KRT72: variants seen among roughly 807,000 people sequenced by gnomAD.
The protein encoded by KRT72 is keratin 72.
Under a neutral mutation model 44.7 loss-of-function variants are expected in KRT72, and 44 were observed. The ratio of observed to expected loss-of-function variants is 0.98; its 90% CI spans 0.77 to 1.27. The LOEUF (loss-of-function observed/expected upper bound fraction) is 1.27. Ranked by LOEUF, KRT72 falls within the 50% of genes most tolerant of loss-of-function variation. The pLI, the probability that KRT72 is intolerant of heterozygous loss-of-function variation, is 0.00. For missense variants in KRT72, 736 were observed against 667.1 expected (o/e 1.10, Z -1.14); for synonymous variants, 302 against 280.4 (o/e 1.08, Z -0.77).
chr12:52,597,299 CTG>C (rs1940257644), intron 2 of KRT72, among the ~76,000 whole-genome samples: 1 of 152,216 alleles, frequency 6.6e-6, no homozygotes, highest in Admixed American at 6.5e-5. Context: ...GACATATACA[CTG>C]TGCATCTTCT....
chr12:52,585,696 A>G lies in KRT72; in HGVS notation c.*286T>C. On this transcript the variant is annotated 3_prime_UTR_variant, in exon 9 of 9. Transcript: ENST00000293745. ...AGGCCCAAGAAAGGCATGGGGGCAG[A>G]GGGGCTTGTAGCTGGCCTTGGGGAA... 1 of 362,234 alleles carries G rather than the reference A, an allele frequency of 2.8e-6. No homozygotes were observed. The highest frequency in any genetic ancestry group is 2.1e-5 in the African/African-American group (1 of 48,332). The allele number at this position is 362,234 out of a possible 1,614,324, so 22.4% of individuals were successfully genotyped here. A position where few individuals can be genotyped will look rare whatever the true frequency, so the allele number is the denominator to read the frequency against.
At position 52,601,017 on chromosome 12, in the gene KRT72, G is replaced by A. The variant is rs764874901; in HGVS notation, c.426+10C>T. On this transcript the variant is annotated intron_variant, in intron 1 of 8. Coordinates refer to ENST00000293745, the MANE Select transcript of KRT72 (RefSeq NM_080747.3). Reference sequence around the variant, plus strand: ...CCAACGCAGGGACAGGCCAATGCCCGAGGACTCACCTTGTCGATGAAGGAG... The same window carrying A: ...CCAACGCAGGGACAGGCCAATGCCCAAGGACTCACCTTGTCGATGAAGGAG... The A allele has an allele frequency of 1.6e-5, 26 of 1,610,880 alleles. No homozygotes were observed. The highest frequency in any genetic ancestry group is 9.3e-6 in the Non-Finnish European group (11 of 1,178,962).
intron 2 of KRT72, 46 bp from the exon 3 acceptor site, chr12:52,592,998 A>C: frequency 9.5e-6 from 15 of 1,571,216 alleles, no homozygotes; most frequent in East Asian, 2.3e-5. Flanking sequence ...GCAAACACTC[A>C]CTGAACAGTT....
chr12:52,597,552 T>G (rs1940264476), intron 2 of KRT72, among the ~76,000 whole-genome samples: 2 of 152,214 alleles, frequency 1.3e-5, no homozygotes, highest in Non-Finnish European at 2.9e-5. Context: ...ACAAATTATT[T>G]CATTTAATCC....
intron 6 of KRT72, 106 bp downstream of exon 6, chr12:52,590,730 A>G (rs1342245310): frequency 2.8e-6 from 3 of 1,068,696 alleles, no homozygotes; most frequent in Non-Finnish European, 3.9e-6. Context: ...GGTAAATTAG[A>G]GGAGGCCCTA....
Position 52,586,217 on chromosome 12 carries a change from C to T in KRT72, c.1346-45G>A, listed in dbSNP as rs754394942. On this transcript the variant is annotated intron_variant, in intron 8 of 8. Transcript: ENST00000293745. ...ACCTCAGCCCCCGTCAGCTCTAGCC[C>T]CACGTCAGAGCCCCTTCTTGGGCAT... The T allele has an allele frequency of 1.9e-6, 3 of 1,550,570 alleles. No individual in the cohort carries two copies. The South Asian group carries it at 3.5e-5, about 18-fold the overall frequency.
At chr12:52,591,359 T>TACACGC in intron 5 of KRT72, 105 bp downstream of exon 5, 1 of 1,126,940 alleles carries the variant, frequency 8.9e-7, no homozygotes, top group Non-Finnish European at 1.2e-6. Context: ...TGAGCCCAAA[T>TACACGC]ACACACACAC....
chr12:52,597,341 T>G (rs939084015), intron 2 of KRT72, among the ~76,000 whole-genome samples: 3 of 152,174 alleles, frequency 2.0e-5, no homozygotes, highest in Non-Finnish European at 2.9e-5. Context: ...GGAAGGCAAA[T>G]GCACTGAAAA....
intron 2 of KRT72, among the ~76,000 whole-genome samples, chr12:52,595,919 A>G (rs1395513966): frequency 6.6e-6 from 1 of 152,202 alleles, no homozygotes; most frequent in African/African-American, 2.4e-5. Context: ...GATGGTTTTT[A>G]ATTTTTGCTT....
At chr12:52,592,769 G>A in intron 3 of KRT72, 123 bp downstream of exon 3, 1 of 796,326 alleles carries the variant, frequency 1.3e-6, no homozygotes, top group Non-Finnish European at 2.1e-6. Context: ...GGAAGTTAGA[G>A]TGCCAGTCAC....
intron 6 of KRT72, among the ~76,000 whole-genome samples, chr12:52,588,453 G>GA (rs2120724013): frequency 6.6e-6 from 1 of 152,272 alleles, no homozygotes; most frequent in African/African-American, 2.4e-5. Flanking sequence ...TGAACAATGA[G>GA]AACACATGGA....
At position 52,587,709 on chromosome 12, in the gene KRT72, T is replaced by G; in HGVS notation, c.1232A>C (p.Gln411Pro). Residue 411 changes from glutamine to proline, a missense_variant, in exon 7 of 9, where the codon CAG becomes CCG. By Grantham distance (76) the Gln-to-Pro change is moderately conservative. Transcript: ENST00000293745. ...EELARMLREY[Q>P]ELVSLKLALD... ...GGCCAGCTTCAGGCTCACGAGCTCC[T>G]GGTACTCACGCAGCATCCGTGCCAG... is the stretch of plus-strand genomic sequence containing the variant. The G allele has an allele frequency of 6.2e-7, 1 of 1,614,198 alleles. No individual in the cohort carries two copies. Among genetic ancestry groups the G allele is most frequent in the Non-Finnish European group, 8.5e-7 (1 of 1,180,040 alleles).
chr12:52,592,329 C>T, intron 4 of KRT72, 67 bp downstream of exon 4: 8 of 1,150,600 alleles, frequency 7.0e-6, no homozygotes, highest in Non-Finnish European at 1.0e-5. Flanking sequence ...CACCACCTTC[C>T]AGCCAGGGGC....
At chr12:52,600,852 C>A (rs75624316) in intron 1 of KRT72, among the ~76,000 whole-genome samples, 175 bp downstream of exon 1, 8,914 of 152,204 alleles carry the variant, frequency 0.059, 311 homozygotes, top group South Asian at 0.12. Flanking sequence ...CCCAATTAAG[C>A]CTCATCGCAA....
At chr12:52,592,844 A>G in intron 3 of KRT72, 48 bp downstream of exon 3, 1 of 1,529,226 alleles carries the variant, frequency 6.5e-7, no homozygotes, top group Non-Finnish European at 9.0e-7. Context: ...TCATTGTGCC[A>G]GGTGGTCAGG....
rs886318029 is a variant in KRT72, at chr12:52,592,477, A to G, written c.717T>C (p.Ala239=). 3 of 1,613,912 alleles carry G rather than the reference A, an allele frequency of 1.9e-6. No homozygotes were observed. The African/African-American group carries it at 4.0e-5, about 22-fold the overall frequency. Residue 239 remains alanine, a synonymous_variant, in exon 4 of 9, where the codon GCT becomes GCC. Coordinates refer to ENST00000293745, the MANE Select transcript of KRT72 (RefSeq NM_080747.3). ...CCTGGAGCTCAACCTTATTCATGTA[A>G]GCAGCATCCACGTCCTGGGAGCACA... ...FVVLKKDVDA[A]YMNKVELQAK...
At chr12:52,601,727 C>A (rs144536788), upstream of KRT72, among the ~76,000 whole-genome samples, 3 of 152,260 alleles carry the variant, frequency 2.0e-5, no homozygotes, top group East Asian at 5.8e-4. Flanking sequence ...TCACCTCCTG[C>A]ATTATCATGG....
chr12:52,600,320 G>T (rs537539114), intron 1 of KRT72, among the ~76,000 whole-genome samples: 23 of 152,192 alleles, frequency 1.5e-4, no homozygotes, highest in African/African-American at 5.3e-4. Flanking sequence ...CTGAATGTGG[G>T]TCCCATCTCC....
Position 52,586,140 on chromosome 12 carries a change from C to T in KRT72, c.1378G>A (p.Gly460Arg), listed in dbSNP as rs1423399722. The T allele has an allele frequency of 4.3e-6, 7 of 1,614,106 alleles. No homozygotes were observed. The highest frequency in any genetic ancestry group is 5.9e-6 in the Non-Finnish European group (7 of 1,180,018). ...VISSTNAGAGGAGFSMGFGAS... is the reference protein window; with the variant it reads ...VISSTNAGAGRAGFSMGFGAS... ...CCAAAGCCCATGCTGAAGCCAGCCC[C>T]TCCTGCCCCAGCATTGGTGCTGCTG... Residue 460 changes from glycine (G) to arginine (R), a missense_variant, in exon 9 of 9, where the codon GGG (glycine) becomes AGG (arginine). By Grantham distance (125) the Gly-to-Arg change is moderately radical. Coordinates refer to ENST00000293745, the MANE Select transcript of KRT72 (RefSeq NM_080747.3).
Sources: allele counts gnomAD v4.1 joint callset (sites outside exome capture counted in the v4.1 genomes callset), GRCh38; gene constraint gnomAD v4.1.1; transcripts MANE v1.5; gene names NCBI Gene and HGNC (gene_info 2026-07-23, HGNC 2026-07-21).